Variants in YEATS4 observed in about 807,000 individuals in gnomAD.
YEATS4 encodes the protein YEATS domain-containing protein 4.
In YEATS4, 17 loss-of-function variants were observed where a neutral mutation model predicts 30.1. The ratio of observed to expected loss-of-function variants is 0.56; its 90% CI spans 0.39 to 0.85. The LOEUF (loss-of-function observed/expected upper bound fraction) is 0.85, where lower values mean the gene tolerates loss of function less well. YEATS4 is among the 40% of genes least tolerant of loss of function. YEATS4 has a pLI of 0.00. For synonymous variants in YEATS4, 85 were observed against 87.5 expected, an observed-to-expected ratio of 0.97 and a Z score of 0.16; for missense variants, 142 against 268.3, an observed-to-expected ratio of 0.53 and a Z score of 3.29.
At chr12:69,407,140 CTTT>C in the YEATS4 span, among the ~76,000 whole-genome samples, 1 of 142,538 alleles carries the variant, frequency 7.0e-6, no homozygotes, top group African/African-American at 2.6e-5. Context: ...TTTATACATT[CTTT>C]TTTTTTTTTT....
At chr12:69,392,818 A>C (rs2121097062), downstream of YEATS4, among the ~76,000 whole-genome samples, 1 of 152,296 alleles carries the variant, frequency 6.6e-6, no homozygotes, top group Non-Finnish European at 1.5e-5. Context: ...CTTAATTCTC[A>C]TGTTCAAAGT....
the YEATS4 span, among the ~76,000 whole-genome samples, chr12:69,408,106 A>T: frequency 1.3e-5 from 2 of 152,258 alleles, no homozygotes; most frequent in South Asian, 4.1e-4. Context: ...TCGGAAGAGA[A>T]CTATCAAGAG....
the YEATS4 span, among the ~76,000 whole-genome samples, chr12:69,412,639 CA>C: frequency 6.6e-6 from 1 of 151,822 alleles, no homozygotes; most frequent in Non-Finnish European, 1.5e-5. Flanking sequence ...GGCGATAGAG[CA>C]AGACTCCGTC....
At chr12:69,364,128 T>G in intron 2 of YEATS4, 1 of 437,668 alleles carries the variant, frequency 2.3e-6, no homozygotes, top group South Asian at 1.6e-5. Flanking sequence ...TCTAAAATTG[T>G]AGTGATTCTT....
chr12:69,416,285 C>T, the YEATS4 span, among the ~76,000 whole-genome samples: 1 of 152,140 alleles, frequency 6.6e-6, no homozygotes, highest in Non-Finnish European at 1.5e-5. Flanking sequence ...GCTTTTCAAT[C>T]CTCTGATGTG....
At chr12:69,408,098 G>C in the YEATS4 span, among the ~76,000 whole-genome samples, 1 of 152,128 alleles carries the variant, frequency 6.6e-6, no homozygotes, top group Non-Finnish European at 1.5e-5. Flanking sequence ...GGGCTGAATC[G>C]GAAGAGAACT....
chr12:69,399,170 C>CA, the YEATS4 span, among the ~76,000 whole-genome samples: 3 of 149,392 alleles, frequency 2.0e-5, no homozygotes, highest in African/African-American at 7.4e-5. Context: ...AACAAACAAA[C>CA]AAAAAAACTT....
chr12:69,405,362 A>T, the YEATS4 span, among the ~76,000 whole-genome samples: 719 of 152,378 alleles, frequency 4.7e-3, 3 homozygotes, highest in African/African-American at 0.017. Context: ...AAATAGAACA[A>T]TTATAACAAT....
chr12:69,417,583 A>G, the YEATS4 span, among the ~76,000 whole-genome samples: 1 of 152,172 alleles, frequency 6.6e-6, no homozygotes, highest in Non-Finnish European at 1.5e-5. Flanking sequence ...CTGTGACTCT[A>G]CAGAAATCGG....
chr12:69,401,238 A>G, the YEATS4 span: 1 of 152,198 alleles, frequency 6.6e-6, no homozygotes, highest in Non-Finnish European at 1.5e-5. Context: ...CATTTGATCA[A>G]GTAACTTCAC....
At position 69,386,628 on chromosome 12, in the gene YEATS4, T is replaced by C. The variant is rs145239054; in HGVS notation, c.515-3519T>C. On this transcript the variant is annotated intron_variant, in intron 6 of 6. Transcript: ENST00000247843. Reference sequence around the variant, plus strand: ...CTAACAAAGCGCATATCATTCAGTGTGTTTTTTAAATTGATGTGGGGAGAG... The same window carrying C: ...CTAACAAAGCGCATATCATTCAGTGCGTTTTTTAAATTGATGTGGGGAGAG... 4.9e-3 allele frequency among the ~76,000 whole-genome samples: 744 copies of C among 152,308 alleles called. 3 individuals carry two copies. Among genetic ancestry groups the C allele is most frequent in the African/African-American group, 0.017 (714 of 41,560 alleles).
chr12:69,423,220 C>T, the YEATS4 span, among the ~76,000 whole-genome samples: 1 of 152,148 alleles, frequency 6.6e-6, no homozygotes, highest in African/African-American at 2.4e-5. Context: ...TTTGAAAGCA[C>T]ACAACCATAG....
At chr12:69,417,154 A>ATTT in the YEATS4 span, among the ~76,000 whole-genome samples, 5 of 68,146 alleles carry the variant, frequency 7.3e-5, no homozygotes, top group African/African-American at 1.7e-4. Context: ...TTTTTTAAAA[A>ATTT]TTTTTTTTTT....
chr12:69,360,080 G>T (rs1161993201), intron 1 of YEATS4, 57 bp downstream of exon 1: 13 of 1,586,912 alleles, frequency 8.2e-6, no homozygotes, highest in Non-Finnish European at 1.1e-5. Context: ...GTTCCTCCCT[G>T]CGCGGCGCGG....
chr12:69,396,195 T>C, the YEATS4 span, among the ~76,000 whole-genome samples: 1 of 152,250 alleles, frequency 6.6e-6, no homozygotes, highest in Non-Finnish European at 1.5e-5. Flanking sequence ...AAATTCTTTA[T>C]TGTTGCTGTC....
At chr12:69,408,433 G>A in the YEATS4 span, among the ~76,000 whole-genome samples, 1 of 152,234 alleles carries the variant, frequency 6.6e-6, no homozygotes, top group East Asian at 1.9e-4. Flanking sequence ...GTTAACACTT[G>A]TAAATTTGTA....
At chr12:69,369,177 C>G (rs1875550322) in intron 4 of YEATS4, among the ~76,000 whole-genome samples, 1 of 152,088 alleles carries the variant, frequency 6.6e-6, no homozygotes. Flanking sequence ...CTCAATTCCT[C>G]TAGAAATTAC....
At chr12:69,368,017 A>T (rs1875501717) in intron 4 of YEATS4, among the ~76,000 whole-genome samples, 1 of 152,214 alleles carries the variant, frequency 6.6e-6, no homozygotes, top group Admixed American at 6.5e-5. Flanking sequence ...CACTCTTAGA[A>T]AGGTATATAA....
the YEATS4 span, among the ~76,000 whole-genome samples, chr12:69,419,283 C>T: frequency 1.0e-4 from 15 of 143,064 alleles, no homozygotes; most frequent in Non-Finnish European, 1.4e-4. Context: ...TGCAGTGGTG[C>T]GATCATGACC....
Sources: allele counts gnomAD v4.1 joint callset (sites outside exome capture counted in the v4.1 genomes callset), GRCh38; gene constraint gnomAD v4.1.1; transcripts MANE v1.5; gene names NCBI Gene and HGNC (gene_info 2026-07-23, HGNC 2026-07-21).